Variants in DGKG observed in about 807,000 individuals in gnomAD.
The protein encoded by DGKG is DAG kinase gamma.
In DGKG, 78 loss-of-function variants were observed where a neutral mutation model predicts 105.3. The observed-to-expected ratio is 0.74, with a 90% CI of 0.62 to 0.89. The LOEUF is 0.89. DGKG is among the 40% of genes least tolerant of loss of function. DGKG has a pLI of 0.00. For synonymous variants in DGKG, 346 were observed against 367.1 expected (o/e 0.94, Z 0.66); for missense variants, 958 against 1,020.1 (o/e 0.94, Z 0.83).
At chr3:186,178,377 CAG>C (rs142280312) in intron 22 of DGKG, among the ~76,000 whole-genome samples, 4,633 of 152,252 alleles carry the variant, frequency 0.03, 118 homozygotes, top group Non-Finnish European at 0.046. Context: ...TGCAGGGGAA[CAG>C]AGACTAGTTT....
chr3:186,227,806 G>A (rs1719926414), intron 20 of DGKG, among the ~76,000 whole-genome samples: 1 of 152,106 alleles, frequency 6.6e-6, no homozygotes, highest in Non-Finnish European at 1.5e-5. Context: ...ATTATGAAAA[G>A]TTTAAAGAAA....
intron 21 of DGKG, among the ~76,000 whole-genome samples, chr3:186,200,199 T>TA (rs1212007622): frequency 1.3e-5 from 2 of 152,190 alleles, no homozygotes; most frequent in Non-Finnish European, 2.9e-5. Context: ...ACCATGAAGA[T>TA]ACATCTCCAG....
chr3:186,321,734 G>A (rs1725086708), intron 1 of DGKG, among the ~76,000 whole-genome samples: 2 of 152,218 alleles, frequency 1.3e-5, no homozygotes, highest in Non-Finnish European at 2.9e-5. Context: ...GAAATGTGTA[G>A]ACTGGTTGTT....
chr3:186,312,122 C>CAA (rs34286105), intron 2 of DGKG, among the ~76,000 whole-genome samples: 254 of 17,468 alleles, frequency 0.015, 104 homozygotes, highest in African/African-American at 0.024. Flanking sequence ...GACTCCGTCT[C>CAA]AAAAAAAAAA....
intron 24 of DGKG, chr3:186,158,270 C>T (rs1296612649): frequency 1.3e-6 from 1 of 783,968 alleles, no homozygotes; most frequent in African/African-American, 1.9e-5. Flanking sequence ...CATTTTACTT[C>T]TTTTTTATAT....
intron 5 of DGKG, among the ~76,000 whole-genome samples, chr3:186,297,068 T>TCTCACACACACACACACACACA (rs1452573661): frequency 3.8e-5 from 5 of 130,416 alleles, no homozygotes; most frequent in African/African-American, 8.7e-5. Flanking sequence ...TCTGTCTCTC[T>TCTCACACACACACACACACACA]CACACACACA....
intron 22 of DGKG, among the ~76,000 whole-genome samples, chr3:186,179,147 G>C (rs575112121): frequency 6.6e-6 from 1 of 152,160 alleles, no homozygotes; most frequent in Non-Finnish European, 1.5e-5. Flanking sequence ...TGGACCACAC[G>C]GCGTTCTAGT....
In DGKG at chr3:186,302,512, GTGTATATATA is replaced by G. The variant is rs1724005678; in HGVS notation, c.145-4293_145-4284del. ...TATATATATATATATATATACATATGTGTATATATATATATATATACATATGTATATATAT... is the reference window on the plus strand; with the variant it reads ...TATATATATATATATATATACATATGTATATATATACATATGTATATATAT... On this transcript the variant is annotated intron_variant, in intron 3 of 24. Coordinates refer to ENST00000265022, the MANE Select transcript of DGKG (RefSeq NM_001346.3). Among the ~76,000 whole-genome samples the G allele has an allele frequency of 3.3e-4, 5 of 15,128 alleles. No homozygotes were observed. In the East Asian group the frequency reaches 6.7e-3, roughly 20 times the overall value. The allele number at this position is 15,128 out of a possible 152,430, so 9.9% of individuals were successfully genotyped here.
chr3:186,292,111 C>A (rs776421070), intron 5 of DGKG, among the ~76,000 whole-genome samples: 1 of 152,176 alleles, frequency 6.6e-6, no homozygotes. Flanking sequence ...AATGCCAACA[C>A]CCTCTTCCGG....
chr3:186,224,354 C>T (rs1160594670), intron 20 of DGKG, among the ~76,000 whole-genome samples: 1 of 152,160 alleles, frequency 6.6e-6, no homozygotes, highest in Non-Finnish European at 1.5e-5. Context: ...GAGGAAGAGA[C>T]TAAAGCATTG....
intron 14 of DGKG, among the ~76,000 whole-genome samples, chr3:186,263,348 C>G (rs1167090423): frequency 6.6e-6 from 1 of 151,974 alleles, no homozygotes; most frequent in Non-Finnish European, 1.5e-5. Context: ...AGGCGGATCA[C>G]CTGAGGTCAG....
chr3:186,275,706 T>C, intron 9 of DGKG, 42 bp from the exon 10 acceptor site: 1 of 1,462,082 alleles, frequency 6.8e-7, no homozygotes, highest in Non-Finnish European at 9.5e-7. Context: ...CTGGCTGCCC[T>C]GAGATGGAGG....
chr3:186,166,063 T>A (rs924186795), intron 22 of DGKG, among the ~76,000 whole-genome samples: 2 of 152,246 alleles, frequency 1.3e-5, no homozygotes, highest in South Asian at 2.1e-4. Context: ...TGGTATAGTA[T>A]AACAGTGTTA....
At position 186,306,932 on chromosome 3, in the gene DGKG, C is replaced by A. The variant is rs748510585; in HGVS notation, c.113G>T (p.Gly38Val). ...TGGGTCATATTGTTTGAGGCTCCCA[C>A]CCTCATTAAATTCAGTCAAGGCATC... ...IKDALTEFNEGGSLKQYDPHE... is the reference protein window; with the variant it reads ...IKDALTEFNEVGSLKQYDPHE... Residue 38 changes from glycine (G) to valine (V), a missense_variant, in exon 3 of 25, where the codon GGT (glycine) becomes GTT (valine). By Grantham distance (109) the Gly-to-Val change is moderately radical. Transcript: ENST00000265022. 4 of 1,612,644 alleles carry A rather than the reference C, an allele frequency of 2.5e-6. No individual in the cohort carries two copies. Among genetic ancestry groups the A allele is most frequent in the East Asian group, 2.2e-5 (1 of 44,874 alleles).
intron 2 of DGKG, among the ~76,000 whole-genome samples, chr3:186,309,139 A>G (rs1353864392): frequency 6.6e-6 from 1 of 152,236 alleles, no homozygotes; most frequent in African/African-American, 2.4e-5. Flanking sequence ...GTTGGGAAGA[A>G]GAAAAATTAA....
chr3:186,219,973 T>C (rs550643444), intron 20 of DGKG, among the ~76,000 whole-genome samples: 3 of 152,334 alleles, frequency 2.0e-5, no homozygotes, highest in African/African-American at 7.2e-5. Flanking sequence ...TTCCAAAGTG[T>C]AAATGGAGTC....
chr3:186,311,799 G>T (rs1355837943), intron 2 of DGKG, among the ~76,000 whole-genome samples: 2 of 152,150 alleles, frequency 1.3e-5, no homozygotes, highest in African/African-American at 4.8e-5. Context: ...AGACCCCAAA[G>T]TTTATAGTCT....
intron 22 of DGKG, among the ~76,000 whole-genome samples, chr3:186,181,755 T>G (rs1281438373): frequency 6.6e-6 from 1 of 152,098 alleles, no homozygotes; most frequent in East Asian, 1.9e-4. Context: ...ATAAAACATT[T>G]TCTAGGACAC....
At chr3:186,171,866 T>C (rs181625181) in intron 22 of DGKG, among the ~76,000 whole-genome samples, 2,671 of 152,018 alleles carry the variant, frequency 0.018, 69 homozygotes, top group African/African-American at 0.052. Context: ...TTTTTTTTTT[T>C]CCCCCGATAT....
Sources: allele counts gnomAD v4.1 joint callset (sites outside exome capture counted in the v4.1 genomes callset), GRCh38; gene constraint gnomAD v4.1.1; transcripts MANE v1.5; gene names NCBI Gene and HGNC (gene_info 2026-07-23, HGNC 2026-07-21).